The following SYT12 variants were observed in gnomAD, a reference collection of about 807,000 sequenced individuals.
SYT12 encodes the protein synaptotagmin-12.
A neutral mutation model predicts 39.5 loss-of-function variants in SYT12; 27 were observed. The ratio of observed to expected loss-of-function variants is 0.68; its 90% CI spans 0.50 to 0.94. The LOEUF is 0.94. Among genes scored for constraint, SYT12 ranks in the 40% least tolerant of loss-of-function variants. The probability of loss-of-function intolerance (pLI) is 0.00; values close to 1 mark genes in which losing one functional copy is unlikely to be tolerated. For synonymous variants in SYT12, 233 were observed against 239.7 expected, an observed-to-expected ratio of 0.97 and a Z score of 0.26; for missense variants, 536 against 572.6, an observed-to-expected ratio of 0.94 and a Z score of 0.65.
At chr11:67,044,454 C>G (rs1950571789) in intron 5 of SYT12, 139 bp from the exon 6 acceptor site, 1 of 1,156,228 alleles carries the variant, frequency 8.6e-7, no homozygotes, top group East Asian at 2.6e-5. Context: ...CTGCCTGGAG[C>G]CCTGTGGTAA....
intron 2 of SYT12, chr11:67,010,136 G>A (rs1354905454): frequency 3.9e-5 from 6 of 152,356 alleles, no homozygotes. Context: ...AGAAAACACT[G>A]AAACCATCTG....
chr11:67,010,609 C>T (rs780656137), intron 2 of SYT12, among the ~76,000 whole-genome samples: 33 of 152,228 alleles, frequency 2.2e-4, no homozygotes, highest in Admixed American at 3.9e-4. Context: ...CTGCCACCAC[C>T]TCCAAATGCC....
chr11:67,013,398 A>G (rs1426051959), intron 3 of SYT12, among the ~76,000 whole-genome samples: 1 of 152,190 alleles, frequency 6.6e-6, no homozygotes, highest in African/African-American at 2.4e-5. Context: ...AGGGCCTGGC[A>G]GGGTTGCACC....
intron 3 of SYT12, among the ~76,000 whole-genome samples, chr11:67,013,413 C>T (rs1362465044): frequency 6.6e-6 from 1 of 152,208 alleles, no homozygotes; most frequent in East Asian, 1.9e-4. Context: ...TGCACCTTCT[C>T]CCCTTTCTCC....
At chr11:67,019,987 T>C (rs929004953), upstream of SYT12, among the ~76,000 whole-genome samples, 8 of 151,668 alleles carry the variant, frequency 5.3e-5, no homozygotes, top group African/African-American at 1.9e-4. Flanking sequence ...CTTTCTAGTC[T>C]CTTCACCTTT....
rs1010632552 is a variant in SYT12, at chr11:67,049,544, T to G, written c.*787T>G. On this transcript the variant is annotated 3_prime_UTR_variant, in exon 8 of 8. Transcript: ENST00000527043. Reference sequence around the variant, plus strand: ...AAAGAGGCCCAGACCCAGGTCCTTGTGCTCAGTCCTGCGCAAACCAGGCCC... The same window carrying G: ...AAAGAGGCCCAGACCCAGGTCCTTGGGCTCAGTCCTGCGCAAACCAGGCCC... The G allele has an allele frequency of 6.6e-6, 1 of 152,312 alleles. No individual in the cohort carries two copies. The highest frequency in any genetic ancestry group is 6.5e-5 in the Admixed American group (1 of 15,284). 9.4% of individuals were successfully genotyped at this position (152,312 alleles called of 1,614,324 possible). A position where few individuals can be genotyped will look rare whatever the true frequency, so the allele number is the denominator to read the frequency against.
intron 3 of SYT12, among the ~76,000 whole-genome samples, chr11:67,036,344 A>G (rs1950380839): frequency 6.6e-6 from 1 of 152,238 alleles, no homozygotes; most frequent in Non-Finnish European, 1.5e-5. Context: ...AAATGTCATG[A>G]TAAATAATGC....
exon 1 of SYT12, chr11:67,006,924 T>G (rs757170602): frequency 3.9e-5 from 6 of 152,256 alleles, no homozygotes; most frequent in Non-Finnish European, 7.3e-5. Flanking sequence ...TGAGGTGCCT[T>G]GCAATGCTTT....
At chr11:67,044,130 A>T (rs1368997221) in intron 5 of SYT12, among the ~76,000 whole-genome samples, 1 of 152,174 alleles carries the variant, frequency 6.6e-6, no homozygotes, top group Non-Finnish European at 1.5e-5. Flanking sequence ...ACATTCCTCT[A>T]GCCTTAGAGG....
In SYT12 at chr11:67,034,858, AG is replaced by A. The variant is rs1950329500; in HGVS notation, c.228+22del. 6.6e-7 allele frequency: 1 copy of A among 1,508,256 alleles called. No individual in the cohort carries two copies. Among genetic ancestry groups the A allele is most frequent in the Admixed American group, 2.5e-5 (1 of 40,464 alleles). The allele number at this position is 1,508,256 out of a possible 1,614,324, so 93.4% of individuals were successfully genotyped here. A position where few individuals can be genotyped will look rare whatever the true frequency, so the allele number is the denominator to read the frequency against. On this transcript the variant is annotated intron_variant, in intron 3 of 7. Coordinates refer to ENST00000527043, the MANE Select transcript of SYT12 (RefSeq NM_177963.4). ...GAGAAGGTGAGGCTTCTGCTCCTGC[AG>A]GTGCACAGCGAGTGCAACCCCATGC...
intron 1 of SYT12, among the ~76,000 whole-genome samples, chr11:67,008,046 C>T (rs574299489): frequency 3.3e-5 from 5 of 151,368 alleles, no homozygotes; most frequent in East Asian, 2.0e-4. Context: ...CTCCGCCTCC[C>T]GGGTTCAAGC....
chr11:67,025,986 A>G (rs894369462), intron 1 of SYT12, among the ~76,000 whole-genome samples: 3 of 151,876 alleles, frequency 2.0e-5, no homozygotes, highest in Non-Finnish European at 4.4e-5. Flanking sequence ...TTAATCTCCC[A>G]CAGCTTTGCT....
chr11:67,026,239 A>G (rs1950179151), intron 1 of SYT12, among the ~76,000 whole-genome samples: 1 of 151,904 alleles, frequency 6.6e-6, no homozygotes, highest in Non-Finnish European at 1.5e-5. Context: ...ATGCAAACCC[A>G]TTGTCCCCAT....
chr11:67,045,695 T>A, intron 6 of SYT12, 49 bp from the exon 7 acceptor site: 4 of 1,602,964 alleles, frequency 2.5e-6, no homozygotes, highest in African/African-American at 1.3e-5. Context: ...TGGGCAGGGC[T>A]GTGGTGAGTG....
Position 67,039,860 on chromosome 11 carries a change from G to A in SYT12, c.278G>A (p.Ser93Asn). 1 of 1,613,280 alleles carries A rather than the reference G, an allele frequency of 6.2e-7. No individual in the cohort carries two copies. The highest frequency in any genetic ancestry group is 8.5e-7 in the Non-Finnish European group (1 of 1,180,012). ...CGGGCCAGCACGCGGGGACCACCCA[G>A]CCGCAAAGGCAGTCTCAGCATTGAG... ...AQRASTRGPPSRKGSLSIEDT... is the reference protein window; with the variant it reads ...AQRASTRGPPNRKGSLSIEDT... Residue 93 changes from serine (S) to asparagine (N), a missense_variant, in exon 4 of 8, where the codon AGC becomes AAC. Physicochemically the swap from Ser to Asn is conservative, Grantham distance 46. Transcript: ENST00000527043.
rs763452038 is a variant in SYT12, at chr11:67,044,573, G to A, written c.838-20G>A. ...AGTCGGGTGGGGAGAAGCCCTCTGA[G>A]CCACCTGTCTGTCCCCCAGGCCGCC... On this transcript the variant is annotated intron_variant, in intron 5 of 7. Coordinates refer to ENST00000527043, the MANE Select transcript of SYT12 (RefSeq NM_177963.4). 6 of 1,610,338 alleles carry A rather than the reference G, an allele frequency of 3.7e-6. No homozygotes were observed. In the East Asian group the frequency reaches 1.3e-4, roughly 36 times the overall value.
In SYT12 at chr11:67,044,586, C is replaced by T; in HGVS notation, c.838-7C>T. ...GAAGCCCTCTGAGCCACCTGTCTGT[C>T]CCCCAGGCCGCCGATGCTGTGGGGG... is the stretch of plus-strand genomic sequence containing the variant. On this transcript the variant is annotated splice_region_variant and splice_polypyrimidine_tract_variant and intron_variant, in intron 5 of 7. Transcript: ENST00000527043. 6.2e-7 allele frequency: 1 copy of T among 1,611,722 alleles called. No individual in the cohort carries two copies. Among genetic ancestry groups the T allele is most frequent in the Middle Eastern group, 1.7e-4 (1 of 6,038 alleles).
chr11:67,042,258 C>T (rs1415452730), intron 4 of SYT12, among the ~76,000 whole-genome samples: 2 of 152,140 alleles, frequency 1.3e-5, no homozygotes, highest in East Asian at 3.8e-4. Context: ...AAGTTCTTAG[C>T]CCAGCCTGGG....
chr11:67,044,235 C>T (rs1950567541), intron 5 of SYT12, among the ~76,000 whole-genome samples: 1 of 152,208 alleles, frequency 6.6e-6, no homozygotes, highest in Non-Finnish European at 1.5e-5. Context: ...GAATCTAATT[C>T]CATTCCACTC....
Sources: gnomAD v4.1 joint callset for allele counts (sites outside exome capture counted in the v4.1 genomes callset) on GRCh38, gnomAD v4.1.1 for gene constraint, MANE v1.5 for transcripts, NCBI Gene and HGNC (gene_info 2026-07-23, HGNC 2026-07-21) for gene names.